The following AGBL4 variants were observed in gnomAD, a reference collection of about 807,000 sequenced individuals.
AGBL4 encodes cytosolic carboxypeptidase 6.
Under a neutral mutation model 66.4 loss-of-function variants are expected in AGBL4, and 58 were observed. The ratio of observed to expected loss-of-function variants is 0.87; its 90% CI spans 0.71 to 1.09. The LOEUF (loss-of-function observed/expected upper bound fraction) is 1.09. Ranked by LOEUF, AGBL4 falls within the 50% of genes least tolerant of loss-of-function variation. The pLI is 0.00. For missense variants in AGBL4, 579 were observed against 631.0 expected (o/e 0.92, Z 0.88); for synonymous variants, 234 against 222.9 (o/e 1.05, Z -0.44).
At chr1:49,493,381 T>C (rs770269245) in intron 3 of AGBL4, among the ~76,000 whole-genome samples, 3 of 152,056 alleles carry the variant, frequency 2.0e-5, no homozygotes, top group Non-Finnish European at 2.9e-5. Context: ...AAAAACTTTA[T>C]ATACATTAAT....
chr1:49,658,158 C>G (rs1222044801), intron 3 of AGBL4, among the ~76,000 whole-genome samples: 1 of 151,958 alleles, frequency 6.6e-6, no homozygotes, highest in East Asian at 1.9e-4. Flanking sequence ...AACAAATTTA[C>G]AAGAAAAAAA....
intron 3 of AGBL4, among the ~76,000 whole-genome samples, chr1:49,500,136 G>A (rs1315407293): frequency 6.6e-6 from 1 of 151,970 alleles, no homozygotes; most frequent in Non-Finnish European, 1.5e-5. Flanking sequence ...GTGATGGTGA[G>A]CATTTTTTCA....
At chr1:48,835,204 G>A (rs1370304037) in intron 6 of AGBL4, among the ~76,000 whole-genome samples, 1 of 152,080 alleles carries the variant, frequency 6.6e-6, no homozygotes, top group African/African-American at 2.4e-5. Context: ...TTGAGATGAG[G>A]GAGTCAGTCT....
intron 3 of AGBL4, among the ~76,000 whole-genome samples, chr1:49,620,050 C>T (rs905742827): frequency 9.2e-5 from 14 of 152,144 alleles, no homozygotes; most frequent in African/African-American, 3.4e-4. Flanking sequence ...CCATTCAGGA[C>T]ATAAGCATGG....
chr1:49,849,163 C>T (rs1327075292), intron 2 of AGBL4, among the ~76,000 whole-genome samples: 1 of 151,994 alleles, frequency 6.6e-6, no homozygotes, highest in Admixed American at 6.6e-5. Context: ...TGCTGAAGAT[C>T]AAATGTAGAA....
At chr1:49,322,322 A>T (rs1256778214) in intron 3 of AGBL4, among the ~76,000 whole-genome samples, 1 of 152,238 alleles carries the variant, frequency 6.6e-6, no homozygotes, top group African/African-American at 2.4e-5. Context: ...ATGAAAATCA[A>T]TGATACATGA....
intron 5 of AGBL4, among the ~76,000 whole-genome samples, chr1:49,006,313 T>C (rs545278650): frequency 1.3e-5 from 2 of 152,226 alleles, no homozygotes; most frequent in Non-Finnish European, 2.9e-5. Context: ...ACTGTGCTTT[T>C]CCAACGGGCT....
chr1:48,833,095 C>T (rs1170649474), intron 6 of AGBL4, among the ~76,000 whole-genome samples: 1 of 152,096 alleles, frequency 6.6e-6, no homozygotes, highest in South Asian at 2.1e-4. Flanking sequence ...ATCTACAGAA[C>T]CCTAAGTAGT....
intron 4 of AGBL4, among the ~76,000 whole-genome samples, chr1:49,069,216 G>A (rs1571368974): frequency 6.6e-6 from 1 of 152,202 alleles, no homozygotes; most frequent in East Asian, 1.9e-4. Context: ...CTTTTGCTGT[G>A]CAGAAGCTCT....
chr1:49,959,027 A>T (rs1557619955), intron 1 of AGBL4, among the ~76,000 whole-genome samples: 1 of 151,672 alleles, frequency 6.6e-6, no homozygotes, highest in Admixed American at 6.6e-5. Context: ...AAAAAAAAAA[A>T]ATAGAATCAA....
At chr1:49,926,992 T>G (rs1284255790) in intron 1 of AGBL4, among the ~76,000 whole-genome samples, 1 of 151,802 alleles carries the variant, frequency 6.6e-6, no homozygotes, top group African/African-American at 2.4e-5. Flanking sequence ...GAACATAGAG[T>G]TTGATGTTCA....
intron 1 of AGBL4, among the ~76,000 whole-genome samples, chr1:49,924,378 C>A (rs1652557459): frequency 6.6e-6 from 1 of 152,100 alleles, no homozygotes; most frequent in Non-Finnish European, 1.5e-5. Context: ...ATCTGTACAA[C>A]AAACCCCTAT....
intron 5 of AGBL4, among the ~76,000 whole-genome samples, chr1:48,941,004 G>A (rs1655922497): frequency 6.6e-6 from 1 of 152,124 alleles, no homozygotes. Flanking sequence ...AGAGAAAGGG[G>A]AGAAAAGAGA....
At chr1:48,977,595 T>G (rs1659439227) in intron 5 of AGBL4, among the ~76,000 whole-genome samples, 1 of 152,058 alleles carries the variant, frequency 6.6e-6, no homozygotes, top group Non-Finnish European at 1.5e-5. Flanking sequence ...GGGGTCTGCT[T>G]GATTAGGAGG....
intron 4 of AGBL4, among the ~76,000 whole-genome samples, chr1:49,213,516 T>C (rs950994511): frequency 2.6e-5 from 4 of 151,996 alleles, no homozygotes; most frequent in Admixed American, 2.6e-4. Context: ...CTTGCTCCTA[T>C]TTCCGCCATG....
At chr1:48,618,053 G>A (rs1645348914) in intron 9 of AGBL4, among the ~76,000 whole-genome samples, 1 of 152,002 alleles carries the variant, frequency 6.6e-6, no homozygotes, top group South Asian at 2.1e-4. Context: ...ATAACTTTAG[G>A]TCTTAGTTTC....
chr1:48,758,150 A>G (rs1238655350), intron 6 of AGBL4, among the ~76,000 whole-genome samples: 2 of 152,354 alleles, frequency 1.3e-5, no homozygotes. Context: ...AGCAAACCAA[A>G]GGAGTTTTAT....
intron 1 of AGBL4, among the ~76,000 whole-genome samples, chr1:49,856,526 A>G (rs1646437142): frequency 6.6e-6 from 1 of 152,106 alleles, no homozygotes; most frequent in Non-Finnish European, 1.5e-5. Flanking sequence ...AAGGATATAC[A>G]CCATGCTCAA....
chr1:49,025,041 A>G (rs1663546041), intron 5 of AGBL4, among the ~76,000 whole-genome samples: 1 of 152,204 alleles, frequency 6.6e-6, no homozygotes, highest in South Asian at 2.1e-4. Context: ...GAGTTTGAGT[A>G]ACTGGCCCAA....
Sources: gnomAD v4.1 joint callset for allele counts (sites outside exome capture counted in the v4.1 genomes callset) on GRCh38, gnomAD v4.1.1 for gene constraint, MANE v1.5 for transcripts, NCBI Gene and HGNC (gene_info 2026-07-23, HGNC 2026-07-21) for gene names.